Variants in ARFGEF3 observed in about 807,000 individuals in gnomAD.
ARFGEF3 encodes ARFGEF family member 3, also known as brefeldin A-inhibited guanine nucleotide-exchange protein 3.
A neutral mutation model predicts 221.7 loss-of-function variants in ARFGEF3; 96 were observed. The observed-to-expected ratio is 0.43, with a 90% CI of 0.37 to 0.51. The LOEUF (loss-of-function observed/expected upper bound fraction) is 0.51, where lower values mean the gene tolerates loss of function less well. ARFGEF3 is among the 20% of genes least tolerant of loss of function. The pLI, the probability that ARFGEF3 is intolerant of heterozygous loss-of-function variation, is 0.00. For missense variants in ARFGEF3, 2,410 were observed against 2,789.9 expected (o/e 0.86, Z 3.07); for synonymous variants, 1,145 against 1,126.8 (o/e 1.02, Z -0.32).
chr6:138,334,468 C>T lies in ARFGEF3; in HGVS notation c.5622C>T (p.Gly1874=). 1 of 1,612,326 alleles carries T rather than the reference C, an allele frequency of 6.2e-7. No homozygotes were observed. Residue 1874 remains glycine, a synonymous_variant, in exon 33 of 34, where the codon GGC becomes GGT. Coordinates refer to ENST00000251691, the MANE Select transcript of ARFGEF3 (RefSeq NM_020340.5). This position sits in a 1 kb window ranked among gnomAD's most constrained non-coding sequence, Gnocchi z 5.1. ...EETAQVSPPR[G]KEKRQWRARM... is the part of the protein sequence containing the mutation. ...CCGCCCAGGTCAGCCCCCCGAGAGG[C>T]AAGGAGAAGAGACAGTGGCGGGCAC... is the stretch of plus-strand genomic sequence containing the variant.
At chr6:138,167,456 C>T (rs1349122338) in intron 1 of ARFGEF3, among the ~76,000 whole-genome samples, 1 of 152,242 alleles carries the variant, frequency 6.6e-6, no homozygotes, top group Admixed American at 6.5e-5. Flanking sequence ...CTCAAAGTGA[C>T]TGTGTGTTCT....
intron 1 of ARFGEF3, among the ~76,000 whole-genome samples, chr6:138,168,472 G>A (rs560139218): frequency 4.1e-4 from 62 of 152,322 alleles, no homozygotes; most frequent in African/African-American, 1.4e-3. Context: ...GGCTCTCTAA[G>A]GATGAGATGG....
At chr6:138,175,854 C>G (rs76957951) in intron 2 of ARFGEF3, among the ~76,000 whole-genome samples, 4,082 of 152,198 alleles carry the variant, frequency 0.027, 78 homozygotes, top group African/African-American at 0.054. Flanking sequence ...TTGAAGTCCC[C>G]TACTATTATT....
At chr6:138,286,998 C>A in intron 16 of ARFGEF3, 76 bp from the exon 17 acceptor site, 8 of 1,573,504 alleles carry the variant, frequency 5.1e-6, no homozygotes, top group Non-Finnish European at 6.9e-6. Context: ...CAGGGGGACC[C>A]TTTAGAAGGG....
Position 138,162,235 on chromosome 6 carries a change from T to A in ARFGEF3, c.85+64T>A. On this transcript the variant is annotated intron_variant, in intron 1 of 33. Transcript: ENST00000251691. The surrounding 1 kb of genome is among the most constrained non-coding windows in gnomAD (Gnocchi z 4.7). ...GCGCGGCCGGGGCTGAACCCGCGCC[T>A]CCGCGCGTGGGGCTTTCGCGGAGCG... 1.6e-6 allele frequency: 2 copies of A among 1,266,224 alleles called. No individual in the cohort carries two copies. The highest frequency in any genetic ancestry group is 2.2e-6 in the Non-Finnish European group (2 of 906,570). 78.4% of individuals were successfully genotyped at this position (1,266,224 alleles called of 1,614,324 possible). A position where few individuals can be genotyped will look rare whatever the true frequency, so the allele number is the denominator to read the frequency against.
rs112982034 is a variant in ARFGEF3 at position 138,241,668 on chromosome 6, A to G, written c.544-1284A>G. Among the ~76,000 whole-genome samples, 69 of 152,332 alleles carry G rather than the reference A, an allele frequency of 4.5e-4. 1 individual carries two copies. The highest frequency in any genetic ancestry group is 1.3e-3 in the African/African-American group (54 of 41,576). ...CACTCATTTCAGTTATCAACTGGAA[A>G]GACATCATGGGCCACCTCAAAATTA... On this transcript the variant is annotated intron_variant, in intron 6 of 33. Transcript: ENST00000251691.
chr6:138,262,830 T>G lies in ARFGEF3; in HGVS notation c.1347T>G (p.Gly449=), dbSNP rs144891965. ...ELSQGKGLSE[G]QVQLLLLRLE... is the part of the protein sequence containing the mutation. The stretch of plus-strand genomic sequence containing the variant: ...GCCAGGGGAAGGGCTTGAGCGAAGG[T>G]CAGGTGCAACTGCTGCTTCTGCGCC... Residue 449 remains glycine (G), a synonymous_variant, in exon 12 of 34, where the codon GGT becomes GGG. Coordinates refer to ENST00000251691, the MANE Select transcript of ARFGEF3 (RefSeq NM_020340.5). 1,230 of 1,613,980 alleles carry G rather than the reference T, an allele frequency of 7.6e-4. 4 individuals are homozygous for G. Among genetic ancestry groups the G allele is most frequent in the African/African-American group, 7.2e-3 (544 of 75,036 alleles).
chr6:138,323,572 G>A (rs1465436561), intron 29 of ARFGEF3, 99 bp from the exon 30 acceptor site: 3 of 1,031,438 alleles, frequency 2.9e-6, no homozygotes, highest in Non-Finnish European at 4.3e-6. Context: ...GATCATGCCA[G>A]TGCACTCCAG....
chr6:138,323,635 C>CA (rs370204274), intron 29 of ARFGEF3, 36 bp from the exon 30 acceptor site: 29,341 of 1,149,356 alleles, frequency 0.026, no homozygotes, highest in Non-Finnish European at 0.027. Flanking sequence ...ACAACAACAA[C>CA]AAAAAAAAAA....
intron 24 of ARFGEF3, among the ~76,000 whole-genome samples, chr6:138,311,197 A>G (rs968848394): frequency 6.6e-6 from 1 of 152,232 alleles, no homozygotes; most frequent in Non-Finnish European, 1.5e-5. Flanking sequence ...TATGGTCCCA[A>G]CTGTATTTAA....
intron 4 of ARFGEF3, among the ~76,000 whole-genome samples, chr6:138,213,424 C>G (rs901075880): frequency 6.6e-6 from 1 of 151,692 alleles, no homozygotes; most frequent in Non-Finnish European, 1.5e-5. Flanking sequence ...TACCACTGCT[C>G]TGTAGCCAGC....
intron 24 of ARFGEF3, among the ~76,000 whole-genome samples, chr6:138,309,068 A>C (rs143280015): frequency 2.8e-4 from 42 of 152,342 alleles, no homozygotes; most frequent in African/African-American, 1.0e-3. Context: ...CATTGTATTC[A>C]TGGAATATCT....
At chr6:138,203,906 G>C (rs988250668) in intron 2 of ARFGEF3, among the ~76,000 whole-genome samples, 2 of 151,586 alleles carry the variant, frequency 1.3e-5, no homozygotes, top group Non-Finnish European at 2.9e-5. Flanking sequence ...CTCCCAAAAT[G>C]CTGGGATTAC....
At chr6:138,331,849 C>A (rs1388843373) in intron 32 of ARFGEF3, among the ~76,000 whole-genome samples, 2 of 152,186 alleles carry the variant, frequency 1.3e-5, no homozygotes, top group African/African-American at 4.8e-5. Context: ...AAAATTGTTT[C>A]ACTTATCTTT....
chr6:138,176,204 CG>C (rs1288539701), intron 2 of ARFGEF3, among the ~76,000 whole-genome samples: 2 of 125,722 alleles, frequency 1.6e-5, no homozygotes, highest in African/African-American at 5.9e-5. Context: ...TTTTTTTAGA[CG>C]GAGTCTTGCT....
intron 13 of ARFGEF3, 113 bp downstream of exon 13, chr6:138,278,730 C>T (rs891338724): frequency 2.6e-5 from 30 of 1,154,216 alleles, no homozygotes; most frequent in Admixed American, 1.4e-4. Context: ...TTCCAGACTG[C>T]TCTAGGTTGG....
At chr6:138,282,205 T>C (rs967759972) in intron 14 of ARFGEF3, among the ~76,000 whole-genome samples, 2 of 152,142 alleles carry the variant, frequency 1.3e-5, no homozygotes, top group African/African-American at 4.8e-5. Flanking sequence ...TCTGCCTGCC[T>C]CAGCCTCCCA....
chr6:138,298,649 C>G lies in ARFGEF3; in HGVS notation c.3692C>G (p.Ser1231Cys). The stretch of plus-strand genomic sequence containing the variant: ...AGACATGTGTCTCAGAAGGCTGTTT[C>G]CTTCATCCATGACATACTGACAGAA... ...KERHVSQKAV[S>C]FIHDILTEVL... The change falls in exon 22 of 34, where the codon TCC becomes TGC. Residue 1231 changes from serine (S) to cysteine (C), a missense_variant. By Grantham distance (112) the Ser-to-Cys change is moderately radical (BLOSUM62 -1). This residue lies in a region of ARFGEF3 where 723 missense variants were observed against 991.9 expected (regional missense o/e 0.73). Coordinates refer to ENST00000251691, the MANE Select transcript of ARFGEF3 (RefSeq NM_020340.5). 6.2e-7 allele frequency: 1 copy of G among 1,613,414 alleles called. No individual in the cohort carries two copies. Among genetic ancestry groups the G allele is most frequent in the Non-Finnish European group, 8.5e-7 (1 of 1,179,698 alleles).
intron 23 of ARFGEF3, among the ~76,000 whole-genome samples, chr6:138,307,915 G>GACTA (rs1262611650): frequency 1.3e-5 from 2 of 152,156 alleles, no homozygotes; most frequent in Non-Finnish European, 2.9e-5. Flanking sequence ...CACAGCTCGT[G>GACTA]ACTAAGTTTT....
Sources: allele counts gnomAD v4.1 joint callset (sites outside exome capture counted in the v4.1 genomes callset), GRCh38; gene constraint gnomAD v4.1.1; regional missense constraint gnomAD v4.1.1; non-coding constraint Gnocchi (gnomAD v3.1); transcripts MANE v1.5; gene names NCBI Gene and HGNC (gene_info 2026-07-23, HGNC 2026-07-21).